The following EEA1 variants were observed in gnomAD, a reference collection of about 807,000 sequenced individuals.
EEA1 encodes early endosome antigen 1.
A neutral mutation model predicts 209.2 loss-of-function variants in EEA1; 111 were observed. That is an observed-to-expected ratio of 0.53 (90% CI 0.45 to 0.62). The LOEUF is 0.62. Among genes scored for constraint, EEA1 ranks in the 20% least tolerant of loss-of-function variants. The probability of loss-of-function intolerance (pLI) is 0.00; values close to 1 mark genes in which losing one functional copy is unlikely to be tolerated. For missense variants in EEA1, 1,343 were observed against 1,530.8 expected, an observed-to-expected ratio of 0.88 and a Z score of 2.05; for synonymous variants, 536 against 540.6, an observed-to-expected ratio of 0.99 and a Z score of 0.12.
chr12:92,872,980 G>T (rs1175734826), intron 2 of EEA1, among the ~76,000 whole-genome samples: 2 of 152,090 alleles, frequency 1.3e-5, no homozygotes, highest in Non-Finnish European at 2.9e-5. Context: ...AATAGGATGA[G>T]AGACTAGAAT....
chr12:92,923,161 C>G (rs986487317), intron 1 of EEA1, among the ~76,000 whole-genome samples: 7 of 152,040 alleles, frequency 4.6e-5, no homozygotes, highest in African/African-American at 1.7e-4. Context: ...TCCTGGCTAA[C>G]ACAGTGAAAC....
chr12:92,796,439 T>TA (rs1874655830), intron 21 of EEA1, among the ~76,000 whole-genome samples: 1 of 150,326 alleles, frequency 6.7e-6, no homozygotes, highest in Admixed American at 6.6e-5. Flanking sequence ...TTGGTATTTT[T>TA]AATGCTGTAG....
chr12:92,787,550 G>A (rs1285767492), intron 22 of EEA1, among the ~76,000 whole-genome samples: 1 of 151,836 alleles, frequency 6.6e-6, no homozygotes, highest in African/African-American at 2.4e-5. Flanking sequence ...TTTCACAAGT[G>A]GTTTACATTT....
chr12:92,901,571 G>GTT (rs976641481), intron 1 of EEA1, among the ~76,000 whole-genome samples: 3 of 143,044 alleles, frequency 2.1e-5, no homozygotes, highest in South Asian at 2.2e-4. Context: ...AGAACTTCTT[G>GTT]TTTTTTTTTT....
At chr12:92,854,025 T>TA in intron 5 of EEA1, 71 bp from the exon 6 acceptor site, 16 of 1,224,520 alleles carry the variant, frequency 1.3e-5, no homozygotes, top group African/African-American at 1.6e-5. Context: ...TGGTCAATGT[T>TA]AAAAAATCTC....
chr12:92,892,510 A>G (rs1879691195), intron 1 of EEA1, among the ~76,000 whole-genome samples: 2 of 151,544 alleles, frequency 1.3e-5, no homozygotes, highest in South Asian at 4.1e-4. Flanking sequence ...GAAGATGCAG[A>G]ACTAAAATGC....
chr12:92,785,959 T>C (rs1038224810), intron 22 of EEA1, among the ~76,000 whole-genome samples: 6 of 152,202 alleles, frequency 3.9e-5, no homozygotes, highest in African/African-American at 1.4e-4. Context: ...TGAAAGAATA[T>C]CAATCAAATC....
chr12:92,774,805 G>A lies in EEA1; in HGVS notation c.*1206C>T, dbSNP rs1873586052. 6.6e-6 allele frequency: 1 copy of A among 151,586 alleles called. No individual in the cohort carries two copies. The highest frequency in any genetic ancestry group is 1.5e-5 in the Non-Finnish European group (1 of 67,644). 9.4% of individuals were successfully genotyped at this position (151,586 alleles called of 1,614,324 possible). On this transcript the variant is annotated 3_prime_UTR_variant, in exon 29 of 29. Coordinates refer to ENST00000322349, the MANE Select transcript of EEA1 (RefSeq NM_003566.4). ...GTTAAAATTAAAACTGGGAACAGTT[G>A]ACATGGAACACCAAATTCAGAACCA...
chr12:92,888,238 T>C (rs1421240559), intron 2 of EEA1, among the ~76,000 whole-genome samples: 1 of 152,140 alleles, frequency 6.6e-6, no homozygotes, highest in Non-Finnish European at 1.5e-5. Context: ...ACTGAGAGTC[T>C]AGCAAATCAG....
At chr12:92,885,616 G>A (rs751152191) in intron 2 of EEA1, among the ~76,000 whole-genome samples, 28 of 152,196 alleles carry the variant, frequency 1.8e-4, no homozygotes, top group Non-Finnish European at 3.7e-4. Flanking sequence ...GCAGTCCCCA[G>A]TTAACAGCAC....
At chr12:92,867,307 C>G (rs1457926235) in intron 2 of EEA1, among the ~76,000 whole-genome samples, 1 of 152,182 alleles carries the variant, frequency 6.6e-6, no homozygotes, top group African/African-American at 2.4e-5. Flanking sequence ...ATTAGCTTGT[C>G]AAGTTCCTAT....
At chr12:92,859,750 C>T (rs954488648) in intron 3 of EEA1, among the ~76,000 whole-genome samples, 1 of 152,208 alleles carries the variant, frequency 6.6e-6, no homozygotes, top group Non-Finnish European at 1.5e-5. Context: ...AAAATGTCCA[C>T]ATAAAGTACT....
intron 13 of EEA1, among the ~76,000 whole-genome samples, chr12:92,824,905 A>ATGTTTT (rs1308863447): frequency 6.6e-6 from 1 of 152,224 alleles, no homozygotes; most frequent in Non-Finnish European, 1.5e-5. Context: ...AAGTTAATAA[A>ATGTTTT]TGTTTTTTGA....
At chr12:92,846,952 A>G (rs1418959275) in intron 9 of EEA1, among the ~76,000 whole-genome samples, 1 of 152,010 alleles carries the variant, frequency 6.6e-6, no homozygotes, top group East Asian at 1.9e-4. Context: ...TTGAGATTTT[A>G]ATTTTTTTTC....
At chr12:92,903,925 T>C (rs933027523) in intron 1 of EEA1, among the ~76,000 whole-genome samples, 1 of 152,088 alleles carries the variant, frequency 6.6e-6, no homozygotes, top group African/African-American at 2.4e-5. Context: ...CCACCCATAA[T>C]TTTTTGTTAG....
intron 1 of EEA1, among the ~76,000 whole-genome samples, chr12:92,895,975 CTTT>C (rs910254277): frequency 2.1e-5 from 3 of 143,324 alleles, no homozygotes; most frequent in Non-Finnish European, 4.6e-5. Flanking sequence ...TGATAATTTT[CTTT>C]TTTTTTTTTT....
At chr12:92,795,878 T>C (rs1208718957) in intron 21 of EEA1, among the ~76,000 whole-genome samples, 2 of 152,224 alleles carry the variant, frequency 1.3e-5, no homozygotes, top group East Asian at 1.9e-4. Context: ...CTTAACTCTT[T>C]AATTATTGTT....
chr12:92,872,125 T>G (rs1032519524), intron 2 of EEA1, among the ~76,000 whole-genome samples: 3 of 150,554 alleles, frequency 2.0e-5, no homozygotes, highest in Non-Finnish European at 4.4e-5. Flanking sequence ...CTTGGCTCAC[T>G]GCAACCTCCT....
intron 28 of EEA1, among the ~76,000 whole-genome samples, chr12:92,776,341 A>G (rs922361696): frequency 6.6e-6 from 1 of 151,854 alleles, no homozygotes; most frequent in African/African-American, 2.4e-5. Context: ...TATGCTAAAC[A>G]TTTTACATAG....
Sources: gnomAD v4.1 joint callset for allele counts (sites outside exome capture counted in the v4.1 genomes callset) on GRCh38, gnomAD v4.1.1 for gene constraint, MANE v1.5 for transcripts, NCBI Gene and HGNC (gene_info 2026-07-23, HGNC 2026-07-21) for gene names.